The following BSN variants were observed in gnomAD, a reference collection of about 807,000 sequenced individuals.
BSN encodes the protein protein bassoon.
BSN carries 57 observed loss-of-function variants against 264.8 expected under a neutral mutation model. The observed-to-expected ratio is 0.22, with a 90% CI of 0.17 to 0.27. BSN has a LOEUF of 0.27. Ranked by LOEUF, BSN falls within the 10% of genes least tolerant of loss-of-function variation. The pLI, the probability that BSN is intolerant of heterozygous loss-of-function variation, is 1.00. For synonymous variants in BSN, 2,059 were observed against 2,137.3 expected, an observed-to-expected ratio of 0.96 and a Z score of 1.01; for missense variants, 4,615 against 5,232.5, an observed-to-expected ratio of 0.88 and a Z score of 3.64.
chr3:49,629,710 G>A (rs779054382), intron 2 of BSN, among the ~76,000 whole-genome samples: 5 of 152,364 alleles, frequency 3.3e-5, no homozygotes, highest in Middle Eastern at 6.8e-3. Flanking sequence ...CATCTAGAGT[G>A]AAGGGGCCCA....
At chr3:49,572,423 C>G (rs17080664) in intron 1 of BSN, among the ~76,000 whole-genome samples, 1 of 151,912 alleles carries the variant, frequency 6.6e-6, no homozygotes, top group African/African-American at 2.4e-5. Context: ...AGCCTCAGGT[C>G]GAAAGTGGGT....
chr3:49,620,366 C>T (rs1043144593), intron 1 of BSN, among the ~76,000 whole-genome samples: 2 of 150,846 alleles, frequency 1.3e-5, no homozygotes, highest in South Asian at 2.1e-4. Flanking sequence ...CGGAGGTTGC[C>T]GTGAGCTGAG....
chr3:49,586,855 C>T (rs2051941440), intron 1 of BSN, among the ~76,000 whole-genome samples: 1 of 152,140 alleles, frequency 6.6e-6, no homozygotes, highest in African/African-American at 2.4e-5. Context: ...ATTCTTCCAG[C>T]TTTGTTCTTT....
intron 1 of BSN, among the ~76,000 whole-genome samples, chr3:49,611,463 C>T (rs1374465193): frequency 6.6e-6 from 1 of 152,098 alleles, no homozygotes; most frequent in African/African-American, 2.4e-5. Flanking sequence ...GGAGCAGGAG[C>T]CTCCGTGACT....
At chr3:49,589,461 A>G (rs887063087) in intron 1 of BSN, among the ~76,000 whole-genome samples, 1 of 150,630 alleles carries the variant, frequency 6.6e-6, no homozygotes, top group Non-Finnish European at 1.5e-5. Flanking sequence ...TTTCTAATGG[A>G]TTGACCTCTT....
intron 1 of BSN, among the ~76,000 whole-genome samples, chr3:49,579,677 T>C (rs1033135443): frequency 6.6e-6 from 1 of 151,702 alleles, no homozygotes; most frequent in Non-Finnish European, 1.5e-5. Context: ...AGCCTCGGCC[T>C]CCCAAGGTGC....
intron 1 of BSN, among the ~76,000 whole-genome samples, chr3:49,567,793 C>T (rs2051765114): frequency 6.6e-6 from 1 of 152,224 alleles, no homozygotes; most frequent in East Asian, 1.9e-4. Flanking sequence ...GGGCAGAGCA[C>T]AGTAGAATGG....
chr3:49,589,037 C>T (rs1180853396), intron 1 of BSN, among the ~76,000 whole-genome samples: 6 of 150,942 alleles, frequency 4.0e-5, no homozygotes, highest in Admixed American at 6.6e-5. Flanking sequence ...GCCTCAGCCT[C>T]CCGAGTAGCT....
Position 49,556,353 on chromosome 3 carries a change from A to AG in BSN, c.224+1530dup, listed in dbSNP as rs1209196315. ...TTCTGGAAAGACCTGGGCAGCTCAGAGGGACCGGAAGGAGGCTGATGTCTA... is the reference window on the plus strand; with the variant it reads ...TTCTGGAAAGACCTGGGCAGCTCAGAGGGGACCGGAAGGAGGCTGATGTCTA... On this transcript the variant is annotated intron_variant, in intron 1 of 11. Transcript: ENST00000296452. Among the ~76,000 whole-genome samples, 16 of 152,350 alleles carry AG rather than the reference A, an allele frequency of 1.1e-4. No homozygotes were observed. The East Asian group carries it at 3.1e-3, about 29-fold the overall frequency.
chr3:49,653,105 C>A lies in BSN; in HGVS notation c.3549C>A (p.Ser1183Arg), dbSNP rs77090778. ...CCAGTTCCGGACGGCCGCTCAAGAG[C>A]GCTGAGGAGGCTTATGAGGAGATGA... ...TTPSSGRPLK[S>R]AEEAYEEMMR... The change falls in exon 5 of 12, where the codon AGC (serine) becomes AGA (arginine). Residue 1183 changes from serine (S) to arginine (R), a missense_variant. Around this residue, in one of 3 missense-constraint regions of BSN, gnomAD observed 3,415 missense variants for 3,866.4 expected, o/e 0.88. Transcript: ENST00000296452. The surrounding 1 kb of genome is among the most constrained non-coding windows in gnomAD (Gnocchi z 6.3). The A allele has an allele frequency of 6.2e-7, 1 of 1,613,494 alleles. No homozygotes were observed. Among genetic ancestry groups the A allele is most frequent in the African/African-American group, 1.3e-5 (1 of 75,046 alleles).
intron 1 of BSN, among the ~76,000 whole-genome samples, chr3:49,617,267 TA>T (rs1446161820): frequency 8.4e-6 from 1 of 119,728 alleles, no homozygotes; most frequent in Non-Finnish European, 1.8e-5. Flanking sequence ...TAAAGTAAAA[TA>T]AAAAATAAAA....
At position 49,663,338 on chromosome 3, in the gene BSN, A is replaced by G; in HGVS notation, c.11180A>G (p.Gln3727Arg). Residue 3727 changes from glutamine (Q) to arginine (R), a missense_variant, in exon 7 of 12, where the codon CAA becomes CGA. Around this residue, in one of 3 missense-constraint regions of BSN, gnomAD observed 3,415 missense variants for 3,866.4 expected, o/e 0.88. Transcript: ENST00000296452. ...HASDSKKGSR[Q>R]AHSGPAALQS... ...TCTGACAGCAAGAAGGGCTCCCGGC[A>G]AGCCCACTCCGGGCCCGCTGCACTG... 1.2e-6 allele frequency: 2 copies of G among 1,613,832 alleles called. No homozygotes were observed.
At chr3:49,645,759 G>A (rs1453731980) in intron 3 of BSN, among the ~76,000 whole-genome samples, 21 of 152,168 alleles carry the variant, frequency 1.4e-4, no homozygotes, top group Middle Eastern at 3.2e-3. Context: ...GACCTACTTG[G>A]TGTGTTCTTG....
At chr3:49,648,607 C>T (rs2052517184) in intron 3 of BSN, among the ~76,000 whole-genome samples, 1 of 152,236 alleles carries the variant, frequency 6.6e-6, no homozygotes, top group Non-Finnish European at 1.5e-5. Flanking sequence ...TCTGTGCTCT[C>T]CCATGTCCTG....
Position 49,618,610 on chromosome 3 carries a change from A to G in BSN, c.225-6365A>G, listed in dbSNP as rs143000947. ...GCTGTTCTAGGTGCTGGGAGCACCAATGACTTACGTCTTCCAAGCTTATCC... is the reference window on the plus strand; with the variant it reads ...GCTGTTCTAGGTGCTGGGAGCACCAGTGACTTACGTCTTCCAAGCTTATCC... On this transcript the variant is annotated intron_variant, in intron 1 of 11. Transcript: ENST00000296452. 3.5e-4 allele frequency among the ~76,000 whole-genome samples: 54 copies of G among 152,366 alleles called. 1 individual carries two copies. In the East Asian group the frequency reaches 4.4e-3, roughly 13 times the overall value.
At position 49,663,038 on chromosome 3, in the gene BSN, G is replaced by A. The variant is rs200611323; in HGVS notation, c.10880G>A (p.Gly3627Asp). The change falls in exon 7 of 12, where the codon GGC becomes GAC. Residue 3627 changes from glycine (G) to aspartate (D), a missense_variant. Physicochemically the swap from Gly to Asp is moderately conservative, Grantham distance 94. Transcript: ENST00000296452. ...YHDYDEPPEE[G>D]LWPHDEGGPG... ...GACTACGATGAACCCCCTGAGGAGG[G>A]CCTGTGGCCTCATGATGAGGGTGGC... The A allele has an allele frequency of 6.2e-7, 1 of 1,613,682 alleles. No individual in the cohort carries two copies. The highest frequency in any genetic ancestry group is 8.5e-7 in the Non-Finnish European group (1 of 1,180,018).
intron 1 of BSN, among the ~76,000 whole-genome samples, chr3:49,590,313 T>C (rs1337998920): frequency 6.6e-6 from 1 of 152,104 alleles, no homozygotes; most frequent in African/African-American, 2.4e-5. Context: ...AGCCTTTTGT[T>C]GGATTCTTTA....
chr3:49,620,929 A>C (rs950901839), intron 1 of BSN, among the ~76,000 whole-genome samples: 1 of 152,208 alleles, frequency 6.6e-6, no homozygotes, highest in Admixed American at 6.5e-5. Context: ...CAACAGAAGG[A>C]GACTCACACA....
At position 49,657,657 on chromosome 3, in the gene BSN, G is replaced by A. The variant is rs768140941; in HGVS notation, c.8101G>A (p.Val2701Ile). ...TAATDPKVEI[V>I]RYISAPEKTG... is the part of the protein sequence containing the mutation. Reference sequence around the variant, plus strand: ...TGCCACCGATCCCAAGGTGGAGATCGTCAGGTACATATCGGCGCCAGAGAA... The same window carrying A: ...TGCCACCGATCCCAAGGTGGAGATCATCAGGTACATATCGGCGCCAGAGAA... The change falls in exon 5 of 12, where the codon GTC becomes ATC. Residue 2701 changes from valine to isoleucine, a missense_variant. Transcript: ENST00000296452. 7 of 1,587,024 alleles carry A rather than the reference G, an allele frequency of 4.4e-6. No individual in the cohort carries two copies. The Admixed American group carries it at 6.8e-5, about 15-fold the overall frequency.
Sources: allele counts gnomAD v4.1 joint callset (sites outside exome capture counted in the v4.1 genomes callset), GRCh38; gene constraint gnomAD v4.1.1; regional missense constraint gnomAD v4.1.1; non-coding constraint Gnocchi (gnomAD v3.1); transcripts MANE v1.5; gene names NCBI Gene and HGNC (gene_info 2026-07-23, HGNC 2026-07-21).